WDSUB1: variants seen among roughly 807,000 people sequenced by gnomAD.
WDSUB1 encodes the protein WD repeat, sterile alpha motif and U-box domain containing 1, also known as WD repeat, SAM and U-box domain-containing protein 1.
WDSUB1 carries 49 observed loss-of-function variants against 53.9 expected under a neutral mutation model. The ratio of observed to expected loss-of-function variants is 0.91; its 90% confidence interval spans 0.72 to 1.15. The LOEUF (loss-of-function observed/expected upper bound fraction) is 1.15. Ranked by LOEUF, WDSUB1 falls within the 50% of genes most tolerant of loss-of-function variation. The pLI is 0.00. For synonymous variants in WDSUB1, 194 were observed against 200.6 expected, an observed-to-expected ratio of 0.97 and a Z score of 0.28; for missense variants, 514 against 562.0, an observed-to-expected ratio of 0.91 and a Z score of 0.86.
chr2:159,245,365 TAAAAATAATA>T (rs757649419), intron 10 of WDSUB1, among the ~76,000 whole-genome samples: 3 of 151,582 alleles, frequency 2.0e-5, no homozygotes, highest in Non-Finnish European at 4.4e-5. Context: ...CCATCTCTAC[TAAAAATAATA>T]AAAAAAAATT....
At chr2:159,282,187 G>C (rs1369003542) in intron 2 of WDSUB1, among the ~76,000 whole-genome samples, 1 of 139,144 alleles carries the variant, frequency 7.2e-6, no homozygotes, top group African/African-American at 2.6e-5. Context: ...TAGAAGGCCA[G>C]TTAAAAAAAA....
At chr2:159,255,434 A>T (rs986229746) in intron 9 of WDSUB1, among the ~76,000 whole-genome samples, 1 of 152,088 alleles carries the variant, frequency 6.6e-6, no homozygotes, top group African/African-American at 2.4e-5. Flanking sequence ...GCCACTGCAC[A>T]CCGGCCTGGG....
chr2:159,256,503 G>A, intron 8 of WDSUB1, 128 bp from the exon 9 acceptor site: 1 of 935,374 alleles, frequency 1.1e-6, no homozygotes, highest in Non-Finnish European at 1.6e-6. Flanking sequence ...AGTGGCTCAT[G>A]CCTATAATCC....
chr2:159,259,876 C>A (rs1290455345), intron 5 of WDSUB1, 33 bp from the exon 6 acceptor site: 5 of 1,476,424 alleles, frequency 3.4e-6, no homozygotes, highest in Non-Finnish European at 4.6e-6. Flanking sequence ...GTGAAAAGTT[C>A]TATAAAAACA....
intron 2 of WDSUB1, among the ~76,000 whole-genome samples, chr2:159,281,910 G>A (rs2061673540): frequency 6.6e-6 from 1 of 152,170 alleles, no homozygotes; most frequent in African/African-American, 2.4e-5. Context: ...CTGGGAGGTG[G>A]AGGTTTCAGT....
At chr2:159,283,281 T>TG (rs1315406285) in intron 1 of WDSUB1, among the ~76,000 whole-genome samples, 188 bp from the exon 2 acceptor site, 2 of 152,164 alleles carry the variant, frequency 1.3e-5, no homozygotes, top group African/African-American at 4.8e-5. Context: ...TTCCCTGGAC[T>TG]GGGGTGTGGG....
chr2:159,281,521 A>C (rs890495579), intron 2 of WDSUB1, among the ~76,000 whole-genome samples: 7 of 152,218 alleles, frequency 4.6e-5, no homozygotes, highest in Non-Finnish European at 8.8e-5. Context: ...GGTTTTTTCC[A>C]AAAGAGTTTT....
intron 5 of WDSUB1, among the ~76,000 whole-genome samples, chr2:159,260,638 T>C (rs2061169108): frequency 6.6e-6 from 1 of 152,168 alleles, no homozygotes; most frequent in African/African-American, 2.4e-5. Flanking sequence ...TGTAATGGTA[T>C]AAAAATTAAA....
chr2:159,249,734 G>A (rs1219062728), intron 9 of WDSUB1, among the ~76,000 whole-genome samples: 1 of 151,812 alleles, frequency 6.6e-6, no homozygotes, highest in African/African-American at 2.4e-5. Context: ...CCTCAGCTGT[G>A]ACATAAACAT....
intron 10 of WDSUB1, among the ~76,000 whole-genome samples, chr2:159,247,441 C>G (rs1346977344): frequency 6.6e-6 from 1 of 151,696 alleles, no homozygotes; most frequent in Non-Finnish European, 1.5e-5. Context: ...AGTTTCAAAA[C>G]AACTATTAAG....
intron 10 of WDSUB1, among the ~76,000 whole-genome samples, chr2:159,247,135 C>G (rs983287311): frequency 7.9e-5 from 12 of 152,156 alleles, no homozygotes. Flanking sequence ...AAATGTGCAG[C>G]CACTGCTATA....
intron 9 of WDSUB1, among the ~76,000 whole-genome samples, chr2:159,255,630 G>A (rs1016350308): frequency 9.2e-5 from 14 of 152,032 alleles, no homozygotes; most frequent in Admixed American, 6.6e-4. Context: ...ATAGGCTCAC[G>A]TACTATGTTT....
intron 5 of WDSUB1, among the ~76,000 whole-genome samples, chr2:159,260,161 C>T (rs899826713): frequency 3.3e-5 from 5 of 151,928 alleles, no homozygotes; most frequent in African/African-American, 1.2e-4. Flanking sequence ...AAAAATTATC[C>T]GGGCATGGTG....
At position 159,263,090 on chromosome 2, in the gene WDSUB1, C is replaced by T. The variant is rs2061259176; in HGVS notation, c.771-3247G>A. Among the ~76,000 whole-genome samples, 3 of 152,210 alleles carry T rather than the reference C, an allele frequency of 2.0e-5. No homozygotes were observed. In the South Asian group the frequency reaches 6.2e-4, roughly 32 times the overall value. ...CCCGTCAATTATATCTAGACAGCTA[C>T]TGGACAACATCAACAACACATAGCT... On this transcript the variant is annotated intron_variant, in intron 5 of 10. Transcript: ENST00000359774.
chr2:159,261,495 T>G (rs1430953131), intron 5 of WDSUB1, among the ~76,000 whole-genome samples: 1 of 152,214 alleles, frequency 6.6e-6, no homozygotes, highest in Non-Finnish European at 1.5e-5. Context: ...ATGTATGTGA[T>G]GGACATAATT....
intron 10 of WDSUB1, among the ~76,000 whole-genome samples, chr2:159,247,884 TAA>T (rs1182864011): frequency 0.063 from 1,953 of 30,780 alleles, 78 homozygotes; most frequent in African/African-American, 0.16. Flanking sequence ...CAAAATTAAA[TAA>T]ATATATATAT....
chr2:159,253,537 T>A (rs1257552963), intron 9 of WDSUB1, among the ~76,000 whole-genome samples: 1 of 151,612 alleles, frequency 6.6e-6, no homozygotes, highest in Non-Finnish European at 1.5e-5. Context: ...TCAAACATAA[T>A]AGATATACGA....
intron 10 of WDSUB1, among the ~76,000 whole-genome samples, chr2:159,244,035 G>A (rs1037295309): frequency 1.3e-5 from 2 of 151,762 alleles, no homozygotes; most frequent in Non-Finnish European, 2.9e-5. Context: ...GTCTAAAGGA[G>A]GAAAAAAAAT....
chr2:159,281,531 T>C (rs1386091982), intron 2 of WDSUB1, among the ~76,000 whole-genome samples: 1 of 152,234 alleles, frequency 6.6e-6, no homozygotes, highest in Non-Finnish European at 1.5e-5. Context: ...AAAAGAGTTT[T>C]TCAGGCGAGT....
Sources: allele counts gnomAD v4.1 joint callset (sites outside exome capture counted in the v4.1 genomes callset), GRCh38; gene constraint gnomAD v4.1.1; transcripts MANE v1.5; gene names NCBI Gene and HGNC (gene_info 2026-07-23, HGNC 2026-07-21).